UGT2A2: variants seen among roughly 807,000 people sequenced by gnomAD.
UGT2A2 encodes the protein UDP-glucuronosyltransferase 2A2.
A neutral mutation model predicts 50.7 loss-of-function variants in UGT2A2; 60 were observed. The ratio of observed to expected loss-of-function variants is 1.18; its 90% CI spans 0.96 to 1.47. The LOEUF (loss-of-function observed/expected upper bound fraction) is 1.47. Among genes scored for constraint, UGT2A2 ranks in the 40% most tolerant of loss-of-function variants. UGT2A2 has a pLI of 0.00. For missense variants in UGT2A2, 762 were observed against 634.0 expected, an observed-to-expected ratio of 1.20 and a Z score of -2.17; for synonymous variants, 242 against 214.6, an observed-to-expected ratio of 1.13 and a Z score of -1.11.
chr4:69,629,038 A>G (rs1432748547), intron 1 of UGT2A2, among the ~76,000 whole-genome samples: 1 of 151,736 alleles, frequency 6.6e-6, no homozygotes, highest in Non-Finnish European at 1.5e-5. Context: ...CTCCTGAACT[A>G]TGTTAAAGCT....
rs544766802 is a variant in UGT2A2, at chr4:69,621,849, C to G, written c.742+17050G>C. ...AAAAGGAAAGAGAACATGTTTTTTG[C>G]AGGAACATAGATGGAGCTGGGGGGA... On this transcript the variant is annotated intron_variant, in intron 1 of 5. Coordinates refer to ENST00000604629, the MANE Select transcript of UGT2A2 (RefSeq NM_001105677.2). 5.9e-5 allele frequency among the ~76,000 whole-genome samples: 9 copies of G among 151,766 alleles called. No homozygotes were observed. In the South Asian group the frequency reaches 1.9e-3, roughly 32 times the overall value.
chr4:69,596,286 A>G lies in UGT2A2; in HGVS notation c.987T>C (p.Asn329=). The G allele has an allele frequency of 6.2e-7, 1 of 1,608,152 alleles. No homozygotes were observed. Among genetic ancestry groups the G allele is most frequent in the Non-Finnish European group, 8.5e-7 (1 of 1,176,426 alleles). ...TCTGGGCAAGGGCTGAGGCAATAAG[A>G]TTGGCCTTTTCTTCTGTAAGGTTTT... The part of the protein sequence containing the change: ...MVKNLTEEKA[N]LIASALAQIP... Residue 329 remains asparagine, a synonymous_variant, in exon 3 of 6, where the codon AAT becomes AAC. Coordinates refer to ENST00000604629, the MANE Select transcript of UGT2A2 (RefSeq NM_001105677.2).
At chr4:69,612,307 C>A (rs866444099) in intron 1 of UGT2A2, among the ~76,000 whole-genome samples, 1 of 151,948 alleles carries the variant, frequency 6.6e-6, no homozygotes, top group Non-Finnish European at 1.5e-5. Context: ...AAATCAGTAT[C>A]GTTAAAATGG....
chr4:69,603,829 C>A (rs896884513), intron 1 of UGT2A2, among the ~76,000 whole-genome samples: 1 of 135,860 alleles, frequency 7.4e-6, no homozygotes, highest in African/African-American at 3.0e-5. Flanking sequence ...GATGGAAGAT[C>A]AAATGAATGA....
intron 1 of UGT2A2, among the ~76,000 whole-genome samples, chr4:69,616,740 A>G (rs188874139): frequency 9.9e-5 from 15 of 151,988 alleles, no homozygotes; most frequent in Non-Finnish European, 2.1e-4. Context: ...AGTATAAGCT[A>G]TAAATCCTCC....
At chr4:69,614,984 A>G (rs569491581) in intron 1 of UGT2A2, among the ~76,000 whole-genome samples, 1 of 152,092 alleles carries the variant, frequency 6.6e-6, no homozygotes, top group East Asian at 1.9e-4. Flanking sequence ...GAAAGAGATA[A>G]GGGGAAATTG....
At chr4:69,593,989 T>G (rs1323550286) in intron 5 of UGT2A2, among the ~76,000 whole-genome samples, 2 of 150,096 alleles carry the variant, frequency 1.3e-5, no homozygotes, top group Non-Finnish European at 3.0e-5. Context: ...TTGTTTTTTT[T>G]TTTGAGACTG....
At chr4:69,621,984 C>G (rs1720782106) in intron 1 of UGT2A2, among the ~76,000 whole-genome samples, 1 of 151,512 alleles carries the variant, frequency 6.6e-6, no homozygotes, top group Non-Finnish European at 1.5e-5. Flanking sequence ...AACAGGGGAA[C>G]AAGAGACAGT....
intron 1 of UGT2A2, among the ~76,000 whole-genome samples, chr4:69,629,555 A>G (rs1298859060): frequency 1.3e-5 from 2 of 152,096 alleles, no homozygotes; most frequent in Non-Finnish European, 2.9e-5. Context: ...AGGTTAGTCA[A>G]ACAGGCTCTA....
At chr4:69,638,455 G>T (rs906346715) in intron 1 of UGT2A2, among the ~76,000 whole-genome samples, 4 of 152,138 alleles carry the variant, frequency 2.6e-5, no homozygotes, top group African/African-American at 9.7e-5. Flanking sequence ...CCAGGGTAGA[G>T]TGTAAACTCC....
At chr4:69,618,209 G>A (rs796937906) in intron 1 of UGT2A2, among the ~76,000 whole-genome samples, 42 of 110,446 alleles carry the variant, frequency 3.8e-4, no homozygotes, top group African/African-American at 3.3e-4. Flanking sequence ...GTGTGTGTGT[G>A]TGTGTGTATG....
Position 69,596,804 on chromosome 4 carries a change from G to A in UGT2A2, c.892-423C>T, listed in dbSNP as rs192446725. On this transcript the variant is annotated intron_variant, in intron 2 of 5. Transcript: ENST00000604629. Reference sequence around the variant, plus strand: ...CCCAAAGTGCTGGAATTACAGGCATGAGCCACTGTGCCCAGTCAGAAATAG... The same window carrying A: ...CCCAAAGTGCTGGAATTACAGGCATAAGCCACTGTGCCCAGTCAGAAATAG... 1.1e-3 allele frequency among the ~76,000 whole-genome samples: 164 copies of A among 152,328 alleles called. No homozygotes were observed. In the Middle Eastern group the frequency reaches 0.014, roughly 13 times the overall value.
At chr4:69,593,146 T>C (rs944097851) in intron 5 of UGT2A2, among the ~76,000 whole-genome samples, 4 of 152,124 alleles carry the variant, frequency 2.6e-5, no homozygotes, top group African/African-American at 9.6e-5. Context: ...TGAGTGAATA[T>C]TGCTAAACAT....
intron 1 of UGT2A2, among the ~76,000 whole-genome samples, chr4:69,617,235 T>C (rs986763505): frequency 1.2e-4 from 18 of 151,918 alleles, no homozygotes; most frequent in Non-Finnish European, 2.4e-4. Context: ...AAATCTCACT[T>C]GAGACTTTCT....
At chr4:69,617,472 T>C (rs1364255152) in intron 1 of UGT2A2, among the ~76,000 whole-genome samples, 1 of 151,970 alleles carries the variant, frequency 6.6e-6, no homozygotes, top group African/African-American at 2.4e-5. Flanking sequence ...TGTGTACGTA[T>C]ATACGTAGAC....
At chr4:69,632,198 T>C (rs1207807616) in intron 1 of UGT2A2, among the ~76,000 whole-genome samples, 4 of 152,168 alleles carry the variant, frequency 2.6e-5, no homozygotes, top group African/African-American at 9.7e-5. Context: ...GGTGTTTTGA[T>C]ATAAATATAA....
At chr4:69,607,441 T>G (rs1438638275) in intron 1 of UGT2A2, among the ~76,000 whole-genome samples, 2 of 151,970 alleles carry the variant, frequency 1.3e-5, no homozygotes, top group African/African-American at 4.8e-5. Flanking sequence ...AAGACTTACA[T>G]GTTAGACCTA....
chr4:69,596,509 C>A, intron 2 of UGT2A2, 128 bp from the exon 3 acceptor site: 2 of 1,267,050 alleles, frequency 1.6e-6, no homozygotes, highest in Non-Finnish European at 2.0e-6. Context: ...TGTCTTCTGA[C>A]ATGTAGAAAG....
intron 5 of UGT2A2, among the ~76,000 whole-genome samples, chr4:69,592,806 T>A (rs1469527333): frequency 6.6e-6 from 1 of 151,894 alleles, no homozygotes; most frequent in Non-Finnish European, 1.5e-5. Context: ...AAAGAAATAA[T>A]ACAAAAAAAA....
Sources: allele counts gnomAD v4.1 joint callset (sites outside exome capture counted in the v4.1 genomes callset), GRCh38; gene constraint gnomAD v4.1.1; transcripts MANE v1.5; gene names NCBI Gene and HGNC (gene_info 2026-07-23, HGNC 2026-07-21).